TMIGD3: variants seen among roughly 807,000 people sequenced by gnomAD.
The protein encoded by TMIGD3 is transmembrane and immunoglobulin domain containing 3, also known as AD026 protein (AD026).
In TMIGD3, 21 loss-of-function variants were observed where a neutral mutation model predicts 28.1. The observed-to-expected ratio is 0.75, with a 90% CI of 0.53 to 1.08. The LOEUF is 1.08. Among genes scored for constraint, TMIGD3 ranks in the 50% least tolerant of loss-of-function variants. The pLI, the probability that TMIGD3 is intolerant of heterozygous loss-of-function variation, is 0.00. For missense variants in TMIGD3, 416 were observed against 435.6 expected (o/e 0.96, Z 0.40); for synonymous variants, 151 against 162.1 (o/e 0.93, Z 0.52).
At chr1:111,506,899 T>A (rs2886183), upstream of TMIGD3, among the ~76,000 whole-genome samples, 35,217 of 99,138 alleles carry the variant, frequency 0.36, 4,524 homozygotes, top group East Asian at 0.45. Flanking sequence ...AAACAAAAAA[T>A]ATATATATAT....
intron 1 of TMIGD3, chr1:111,499,718 C>G: frequency 1.5e-6 from 2 of 1,355,114 alleles, no homozygotes; most frequent in Non-Finnish European, 1.9e-6. Context: ...TACGTTGTCC[C>G]CAAGTCAGGC....
Position 111,503,558 on chromosome 1 carries a change from TG to T in TMIGD3, c.-205del, listed in dbSNP as rs1269333222. ...CTCCTTAGAAAGGGCTCATCACAGG[TG>T]GGTCACTTCCAGCCCCTTTATGCAC... On this transcript the variant is annotated 5_prime_UTR_variant, in exon 1 of 6. Coordinates refer to ENST00000369716, the MANE Select transcript of TMIGD3 (RefSeq NM_020683.7). 1.0e-5 allele frequency: 14 copies of T among 1,400,524 alleles called. No homozygotes were observed. The highest frequency in any genetic ancestry group is 2.7e-4 in the Middle Eastern group (1 of 3,740). 86.8% of individuals were successfully genotyped at this position (1,400,524 alleles called of 1,614,324 possible).
intron 1 of TMIGD3, among the ~76,000 whole-genome samples, chr1:111,563,243 T>C (rs1657815468): frequency 6.6e-6 from 1 of 152,094 alleles, no homozygotes; most frequent in Non-Finnish European, 1.5e-5. Flanking sequence ...ACCACTGTAC[T>C]ACAGCCAGGG....
intron 1 of TMIGD3, among the ~76,000 whole-genome samples, chr1:111,563,619 T>C (rs2101050436): frequency 6.6e-6 from 1 of 152,314 alleles, no homozygotes; most frequent in Middle Eastern, 3.4e-3. Context: ...AGCTAATAAC[T>C]TGTATGTGTC....
At chr1:111,538,073 C>T (rs1336961353) in intron 1 of TMIGD3, among the ~76,000 whole-genome samples, 1 of 152,026 alleles carries the variant, frequency 6.6e-6, no homozygotes, top group Non-Finnish European at 1.5e-5. Context: ...AAAGAGTTGG[C>T]TCAGAAAACT....
At chr1:111,550,221 T>G (rs1339196981) in intron 1 of TMIGD3, among the ~76,000 whole-genome samples, 1 of 152,174 alleles carries the variant, frequency 6.6e-6, no homozygotes, top group Non-Finnish European at 1.5e-5. Context: ...CTCCCTATTT[T>G]TCTGGTCAGC....
chr1:111,533,574 G>A (rs1557839030), intron 1 of TMIGD3, among the ~76,000 whole-genome samples: 2 of 151,908 alleles, frequency 1.3e-5, no homozygotes, highest in Non-Finnish European at 2.9e-5. Flanking sequence ...TTATTTTTGA[G>A]GCAGGGTCTC....
At chr1:111,557,284 C>T (rs767276291) in intron 1 of TMIGD3, among the ~76,000 whole-genome samples, 18 of 152,120 alleles carry the variant, frequency 1.2e-4, no homozygotes, top group Non-Finnish European at 2.5e-4. Context: ...CGTGGTGGCT[C>T]ACGCCTGTAA....
intron 1 of TMIGD3, among the ~76,000 whole-genome samples, chr1:111,536,023 G>T (rs1656627732): frequency 6.6e-6 from 1 of 152,070 alleles, no homozygotes; most frequent in South Asian, 2.1e-4. Context: ...CTCTGCAAGA[G>T]AATTTCGTTC....
chr1:111,509,676 G>A lies in TMIGD3; in HGVS notation c.108-18914C>T, dbSNP rs116670098. On this transcript the variant is annotated intron_variant, in intron 1 of 5. Transcript: ENST00000369717. ...ACCTTACCGCCACAGTGGGAGATAA[G>A]CAACCTTCTGATTTTGATGGCATGT... Among the ~76,000 whole-genome samples the A allele has an allele frequency of 2.9e-3, 445 of 152,326 alleles. 1 individual carries two copies. The highest frequency in any genetic ancestry group is 0.01 in the African/African-American group (431 of 41,566).
At chr1:111,541,231 A>C (rs1390146623) in intron 1 of TMIGD3, among the ~76,000 whole-genome samples, 2 of 152,232 alleles carry the variant, frequency 1.3e-5, no homozygotes, top group Non-Finnish European at 2.9e-5. Context: ...GCTTTGGATG[A>C]ACAAGTATTT....
intron 1 of TMIGD3, among the ~76,000 whole-genome samples, chr1:111,520,789 G>A (rs1257919597): frequency 2.0e-5 from 3 of 152,188 alleles, no homozygotes; most frequent in Non-Finnish European, 4.4e-5. Flanking sequence ...TTATATGTTT[G>A]TGTGCTGGTA....
intron 1 of TMIGD3, among the ~76,000 whole-genome samples, chr1:111,542,993 G>A (rs992542834): frequency 2.0e-5 from 3 of 152,088 alleles, no homozygotes; most frequent in African/African-American, 4.8e-5. Flanking sequence ...GAGCCATGGC[G>A]CCCGGCCATG....
chr1:111,492,037 A>G (rs1444429433), intron 1 of TMIGD3, among the ~76,000 whole-genome samples: 1 of 152,162 alleles, frequency 6.6e-6, no homozygotes, highest in Non-Finnish European at 1.5e-5. Context: ...AAGGCGTGCA[A>G]CTTCCACCCT....
intron 5 of TMIGD3, 91 bp downstream of exon 5, chr1:111,485,649 G>T: frequency 3.0e-6 from 3 of 1,007,260 alleles, no homozygotes; most frequent in Non-Finnish European, 4.5e-6. Flanking sequence ...AATATGAAGA[G>T]GCTCTCATTC....
chr1:111,522,303 T>C (rs1656094146), intron 1 of TMIGD3, among the ~76,000 whole-genome samples: 1 of 152,238 alleles, frequency 6.6e-6, no homozygotes, highest in Non-Finnish European at 1.5e-5. Context: ...CAAAAAAGTC[T>C]TCTAGGAATT....
chr1:111,547,286 T>C (rs1657067197), intron 1 of TMIGD3, among the ~76,000 whole-genome samples: 1 of 152,124 alleles, frequency 6.6e-6, no homozygotes, highest in Non-Finnish European at 1.5e-5. Flanking sequence ...TGGTCTGGTG[T>C]GTTTTTAAAT....
chr1:111,538,979 C>T (rs1656731677), intron 1 of TMIGD3, among the ~76,000 whole-genome samples: 1 of 152,210 alleles, frequency 6.6e-6, no homozygotes, highest in Non-Finnish European at 1.5e-5. Context: ...GGCCTGATCC[C>T]CAGGACCTAC....
intron 1 of TMIGD3, among the ~76,000 whole-genome samples, chr1:111,526,792 AGTTTCACTGCC>A (rs1656279037): frequency 6.6e-6 from 1 of 152,190 alleles, no homozygotes; most frequent in African/African-American, 2.4e-5. Flanking sequence ...CATACTGAAT[AGTTTCACTGCC>A]CTAAAAATCA....
Sources: allele counts gnomAD v4.1 joint callset (sites outside exome capture counted in the v4.1 genomes callset), GRCh38; gene constraint gnomAD v4.1.1; transcripts MANE v1.5; gene names NCBI Gene and HGNC (gene_info 2026-07-23, HGNC 2026-07-21).